Variants in LMBR1 observed in about 807,000 individuals in gnomAD.
The protein encoded by LMBR1 is limb development membrane protein 1.
A neutral mutation model predicts 73.9 loss-of-function variants in LMBR1; 52 were observed. The ratio of observed to expected loss-of-function variants is 0.70; its 90% CI spans 0.56 to 0.89. The LOEUF (loss-of-function observed/expected upper bound fraction) is 0.89. Ranked by LOEUF, LMBR1 falls within the 40% of genes least tolerant of loss-of-function variation. The pLI is 0.00. For synonymous variants in LMBR1, 215 were observed against 209.4 expected, an observed-to-expected ratio of 1.03 and a Z score of -0.23; for missense variants, 539 against 579.8, an observed-to-expected ratio of 0.93 and a Z score of 0.72.
chr7:156,859,454 C>T (rs1797432352), intron 1 of LMBR1, among the ~76,000 whole-genome samples: 1 of 152,076 alleles, frequency 6.6e-6, no homozygotes, highest in Non-Finnish European at 1.5e-5. Context: ...TGTAGAAAAT[C>T]CTAATGAATC....
At chr7:156,762,265 C>G (rs1221053637) in intron 7 of LMBR1, 67 bp from the exon 8 acceptor site, 5 of 936,748 alleles carry the variant, frequency 5.3e-6, no homozygotes, top group Non-Finnish European at 6.9e-6. Flanking sequence ...AGATAAACAA[C>G]TAGACTGTAA....
chr7:156,696,463 T>G (rs906372312), intron 15 of LMBR1, among the ~76,000 whole-genome samples: 1 of 152,220 alleles, frequency 6.6e-6, no homozygotes, highest in Non-Finnish European at 1.5e-5. Context: ...TTCATGATGC[T>G]GATAAAGACA....
intron 1 of LMBR1, among the ~76,000 whole-genome samples, chr7:156,875,300 C>A (rs1799990555): frequency 1.3e-5 from 2 of 152,092 alleles, no homozygotes; most frequent in South Asian, 4.1e-4. Context: ...TGAACAACGC[C>A]TCCAAGAAGT....
Position 156,812,290 on chromosome 7 carries a change from G to A in LMBR1, c.319+14315C>T, listed in dbSNP as rs768845440. 6.6e-5 allele frequency among the ~76,000 whole-genome samples: 10 copies of A among 152,100 alleles called. 1 individual carries two copies. Among genetic ancestry groups the A allele is most frequent in the Non-Finnish European group, 1.2e-4 (8 of 68,030 alleles). ...CCAGGTGGCCATAATCTAATTACATGAGCCTTTCATGTGATTTTTAAACAC... is the reference window on the plus strand; with the variant it reads ...CCAGGTGGCCATAATCTAATTACATAAGCCTTTCATGTGATTTTTAAACAC... On this transcript the variant is annotated intron_variant, in intron 4 of 16. Coordinates refer to ENST00000353442, the MANE Select transcript of LMBR1 (RefSeq NM_022458.4).
chr7:156,820,029 C>T lies in LMBR1; in HGVS notation c.319+6576G>A, dbSNP rs112393151. 7.3e-3 allele frequency among the ~76,000 whole-genome samples: 1,111 copies of T among 152,266 alleles called. 16 individuals carry two copies. Among genetic ancestry groups the T allele is most frequent in the African/African-American group, 0.025 (1,042 of 41,550 alleles). On this transcript the variant is annotated intron_variant, in intron 4 of 16. Transcript: ENST00000353442. ...GGATTTCAGAGATTACTGCCACCGT[C>T]GAGGACTTGAAAGATGCAGGGGTGG...
chr7:156,832,465 T>C (rs562562333), intron 3 of LMBR1, among the ~76,000 whole-genome samples: 2 of 152,134 alleles, frequency 1.3e-5, no homozygotes, highest in South Asian at 4.2e-4. Context: ...CTGCTCCCCA[T>C]TCTCCTCTCC....
At chr7:156,865,899 ATGGGACCCCTTC>A (rs1798380419) in intron 1 of LMBR1, among the ~76,000 whole-genome samples, 1 of 152,210 alleles carries the variant, frequency 6.6e-6, no homozygotes, top group South Asian at 2.1e-4. Flanking sequence ...AAGAATGGAG[ATGGGACCCCTTC>A]TTACATTATA....
At chr7:156,861,622 T>A (rs949645848) in intron 1 of LMBR1, among the ~76,000 whole-genome samples, 1 of 152,190 alleles carries the variant, frequency 6.6e-6, no homozygotes, top group South Asian at 2.1e-4. Flanking sequence ...TTTCCAAACT[T>A]CTATGCTCTG....
intron 14 of LMBR1, among the ~76,000 whole-genome samples, chr7:156,725,149 C>T (rs973708944): frequency 6.6e-6 from 1 of 152,168 alleles, no homozygotes; most frequent in African/African-American, 2.4e-5. Flanking sequence ...TACTCATTAG[C>T]AATACGTTTT....
chr7:156,833,163 A>G (rs1374567881), intron 3 of LMBR1, among the ~76,000 whole-genome samples: 4 of 152,252 alleles, frequency 2.6e-5, no homozygotes, highest in Non-Finnish European at 5.9e-5. Flanking sequence ...TGAAATTTCA[A>G]AAGAATTTTA....
At chr7:156,810,122 A>C (rs962419697) in intron 4 of LMBR1, among the ~76,000 whole-genome samples, 2 of 152,104 alleles carry the variant, frequency 1.3e-5, no homozygotes, top group African/African-American at 2.4e-5. Flanking sequence ...GCTGTACAAG[A>C]AGCTTGGTGC....
At chr7:156,715,767 C>A (rs1193159049) in intron 15 of LMBR1, among the ~76,000 whole-genome samples, 1 of 152,184 alleles carries the variant, frequency 6.6e-6, no homozygotes, top group Non-Finnish European at 1.5e-5. Flanking sequence ...GTCCTTCCTT[C>A]TTTTACCTGA....
chr7:156,759,205 T>C (rs531881928), intron 8 of LMBR1, among the ~76,000 whole-genome samples: 1 of 152,350 alleles, frequency 6.6e-6, no homozygotes, highest in Admixed American at 6.5e-5. Context: ...TCGACCAGTG[T>C]TTTTGATGGT....
At chr7:156,812,715 C>T (rs1178932885) in intron 4 of LMBR1, among the ~76,000 whole-genome samples, 1 of 152,180 alleles carries the variant, frequency 6.6e-6, no homozygotes, top group African/African-American at 2.4e-5. Context: ...GGTTTTACTA[C>T]GGAAAACGTT....
intron 9 of LMBR1, among the ~76,000 whole-genome samples, chr7:156,753,122 T>G (rs1488792956): frequency 6.6e-6 from 1 of 151,850 alleles, no homozygotes; most frequent in African/African-American, 2.4e-5. Flanking sequence ...GCAAAAGAAC[T>G]TGGATGGGTT....
intron 4 of LMBR1, among the ~76,000 whole-genome samples, chr7:156,801,672 T>C (rs552810963): frequency 5.3e-5 from 8 of 152,114 alleles, no homozygotes; most frequent in African/African-American, 1.7e-4. Flanking sequence ...GCTGAGACTA[T>C]AGGCACATGC....
In LMBR1 at chr7:156,792,612, G is replaced by A. The variant is rs183965251; in HGVS notation, c.423+3777C>T. ...CCGCTGCCACGGTAAGAAGAGAGAA[G>A]CAAAGCTATTGAAGGCCCTTAAAAG... On this transcript the variant is annotated intron_variant, in intron 5 of 16. Transcript: ENST00000353442. 7.6e-4 allele frequency among the ~76,000 whole-genome samples: 116 copies of A among 152,326 alleles called. No homozygotes were observed. Among genetic ancestry groups the A allele is most frequent in the Non-Finnish European group, 1.5e-3 (99 of 68,034 alleles).
chr7:156,742,691 G>T (rs1286157115), intron 9 of LMBR1, among the ~76,000 whole-genome samples: 1 of 152,054 alleles, frequency 6.6e-6, no homozygotes, highest in Non-Finnish European at 1.5e-5. Flanking sequence ...ATTTAAAAAA[G>T]AACTAATACC....
At chr7:156,843,460 CA>C (rs1401417655) in intron 1 of LMBR1, among the ~76,000 whole-genome samples, 1 of 152,140 alleles carries the variant, frequency 6.6e-6, no homozygotes, top group East Asian at 1.9e-4. Context: ...AGCACTTGAC[CA>C]AGGAAGCTGC....
Sources: allele counts gnomAD v4.1 joint callset (sites outside exome capture counted in the v4.1 genomes callset), GRCh38; gene constraint gnomAD v4.1.1; transcripts MANE v1.5; gene names NCBI Gene and HGNC (gene_info 2026-07-23, HGNC 2026-07-21).